CHN2: variants seen among roughly 807,000 people sequenced by gnomAD.
The protein encoded by CHN2 is beta-chimaerin.
Under a neutral mutation model 56.3 loss-of-function variants are expected in CHN2, and 35 were observed. The observed-to-expected ratio is 0.62, with a 90% confidence interval of 0.47 to 0.82. The LOEUF is 0.82. CHN2 is among the 40% of genes least tolerant of loss of function. CHN2 has a pLI of 0.00. For synonymous variants in CHN2, 210 were observed against 212.8 expected (o/e 0.99, Z 0.12); for missense variants, 491 against 580.5 (o/e 0.85, Z 1.58).
intron 3 of CHN2, among the ~76,000 whole-genome samples, chr7:29,374,844 C>CCTTCCTTA (rs1799915372): frequency 6.7e-6 from 1 of 149,890 alleles, no homozygotes; most frequent in Non-Finnish European, 1.5e-5. Context: ...TTCCTTCCTT[C>CCTTCCTTA]CTTCCTGCCT....
chr7:29,298,334 C>G lies in CHN2; in HGVS notation c.50-56291C>G, dbSNP rs1034179111. ...CTTAGCTCCAGTTTCCCCCGTCCCC[C>G]CTCCCCCGCGACCAGGGCTTTGACC... is the stretch of plus-strand genomic sequence containing the variant. On this transcript the variant is annotated intron_variant, in intron 1 of 12. Coordinates refer to ENST00000222792, the MANE Select transcript of CHN2 (RefSeq NM_004067.4). Among the ~76,000 whole-genome samples, 11 of 152,238 alleles carry G rather than the reference C, an allele frequency of 7.2e-5. No homozygotes were observed. In the East Asian group the frequency reaches 9.7e-4, roughly 13 times the overall value.
At chr7:29,321,576 T>C (rs992227863) in intron 1 of CHN2, among the ~76,000 whole-genome samples, 1 of 149,724 alleles carries the variant, frequency 6.7e-6, no homozygotes, top group Non-Finnish European at 1.5e-5. Context: ...CTTTCTTTTT[T>C]TTTTTTTTTT....
rs114106102 is a variant in CHN2 at position 29,345,956 on chromosome 7, G to T, written c.50-8669G>T. ...ACTATTCTCTGCAAGTGGGACTCAAGCAGTTAGAAAAATCCGTGCTATGAG... is the reference window on the plus strand; with the variant it reads ...ACTATTCTCTGCAAGTGGGACTCAATCAGTTAGAAAAATCCGTGCTATGAG... On this transcript the variant is annotated intron_variant, in intron 1 of 12. Coordinates refer to ENST00000222792, the MANE Select transcript of CHN2 (RefSeq NM_004067.4). 2.6e-4 allele frequency among the ~76,000 whole-genome samples: 39 copies of T among 152,232 alleles called. No individual in the cohort carries two copies. In the East Asian group the frequency reaches 4.1e-3, roughly 16 times the overall value.
At chr7:29,183,623 G>A (rs375734977) in intron 2 of CHN2, among the ~76,000 whole-genome samples, 10 of 149,686 alleles carry the variant, frequency 6.7e-5, no homozygotes, top group Admixed American at 2.0e-4. Flanking sequence ...GTGGTCTGCC[G>A]GTCTTGGCCT....
chr7:29,394,777 C>G (rs1801615908), intron 4 of CHN2, among the ~76,000 whole-genome samples: 1 of 152,158 alleles, frequency 6.6e-6, no homozygotes, highest in East Asian at 1.9e-4. Flanking sequence ...AAATGAAAAC[C>G]TACCATATAC....
At chr7:29,428,689 A>G (rs549566089) in intron 6 of CHN2, among the ~76,000 whole-genome samples, 1 of 152,270 alleles carries the variant, frequency 6.6e-6, no homozygotes, top group East Asian at 1.9e-4. Context: ...TACTTTTGTC[A>G]TTTTTTTGTT....
chr7:29,343,225 G>A (rs1251466324), intron 1 of CHN2, among the ~76,000 whole-genome samples: 1 of 152,174 alleles, frequency 6.6e-6, no homozygotes, highest in African/African-American at 2.4e-5. Flanking sequence ...AGAGGAAATT[G>A]TCCACCAGGA....
At chr7:29,261,033 A>G (rs534673597) in intron 1 of CHN2, among the ~76,000 whole-genome samples, 1 of 152,328 alleles carries the variant, frequency 6.6e-6, no homozygotes, top group African/African-American at 2.4e-5. Context: ...GACCTATTCA[A>G]AGAGAAACTC....
intron 7 of CHN2, among the ~76,000 whole-genome samples, chr7:29,482,496 A>G (rs1203819106): frequency 1.3e-5 from 2 of 152,136 alleles, no homozygotes; most frequent in African/African-American, 2.4e-5. Flanking sequence ...CTCAGGCTAT[A>G]AATACAGTGG....
intron 1 of CHN2, among the ~76,000 whole-genome samples, chr7:29,204,186 AC>A (rs1388130829): frequency 6.6e-6 from 1 of 152,010 alleles, no homozygotes; most frequent in Non-Finnish European, 1.5e-5. Context: ...GTTTACATAC[AC>A]ATCCACACAT....
chr7:29,503,654 C>G (rs1396316601), intron 9 of CHN2, among the ~76,000 whole-genome samples: 1 of 152,148 alleles, frequency 6.6e-6, no homozygotes, highest in Non-Finnish European at 1.5e-5. Context: ...TCGTGATTTA[C>G]GCCACGTATT....
At chr7:29,296,144 C>T (rs537030502) in intron 1 of CHN2, among the ~76,000 whole-genome samples, 14 of 150,806 alleles carry the variant, frequency 9.3e-5, no homozygotes, top group Non-Finnish European at 1.5e-4. Flanking sequence ...AGTGCAGTGG[C>T]GTGATCTCTG....
intron 1 of CHN2, among the ~76,000 whole-genome samples, chr7:29,248,694 T>A (rs1788261987): frequency 6.6e-6 from 1 of 152,196 alleles, no homozygotes; most frequent in African/African-American, 2.4e-5. Context: ...GATTCTTACT[T>A]TTTTCCCAGT....
chr7:29,421,723 G>A (rs1161466387), intron 6 of CHN2, among the ~76,000 whole-genome samples: 1 of 152,242 alleles, frequency 6.6e-6, no homozygotes, highest in East Asian at 1.9e-4. Flanking sequence ...GTACGTGAAT[G>A]TCCATGAAGG....
chr7:29,239,430 G>A (rs749425588), intron 1 of CHN2, among the ~76,000 whole-genome samples: 5 of 152,130 alleles, frequency 3.3e-5, no homozygotes, highest in African/African-American at 4.8e-5. Context: ...CCCATTAGAC[G>A]TGTCAAATAG....
intron 6 of CHN2, among the ~76,000 whole-genome samples, chr7:29,455,225 C>T (rs2128133467): frequency 6.6e-6 from 1 of 152,314 alleles, no homozygotes; most frequent in East Asian, 1.9e-4. Context: ...TAATAAGCAG[C>T]AAGGTAATGA....
chr7:29,427,659 T>TC (rs936547118), intron 6 of CHN2, among the ~76,000 whole-genome samples: 1 of 146,018 alleles, frequency 6.8e-6, no homozygotes, highest in African/African-American at 2.5e-5. Context: ...TTTTATTCTT[T>TC]TTTTTTTTTT....
intron 1 of CHN2, among the ~76,000 whole-genome samples, chr7:29,232,052 G>A (rs1786757373): frequency 6.6e-6 from 1 of 152,154 alleles, no homozygotes; most frequent in Admixed American, 6.5e-5. Flanking sequence ...CCTGGTGATT[G>A]TGTTAGGAGC....
chr7:29,211,468 A>ACG (rs1271191754), intron 1 of CHN2, among the ~76,000 whole-genome samples: 2 of 151,546 alleles, frequency 1.3e-5, no homozygotes, highest in South Asian at 2.1e-4. Flanking sequence ...ACACACACAC[A>ACG]CACACACACA....
Sources: allele counts gnomAD v4.1 joint callset (sites outside exome capture counted in the v4.1 genomes callset), GRCh38; gene constraint gnomAD v4.1.1; transcripts MANE v1.5; gene names NCBI Gene and HGNC (gene_info 2026-07-23, HGNC 2026-07-21).